MAP4K3: variants seen among roughly 807,000 people sequenced by gnomAD.
The protein encoded by MAP4K3 is MAPK/ERK kinase kinase kinase 3.
MAP4K3 carries 94 observed loss-of-function variants against 143.5 expected under a neutral mutation model. That is an observed-to-expected ratio of 0.65 (90% CI 0.55 to 0.78). The LOEUF (loss-of-function observed/expected upper bound fraction) is 0.78, where lower values mean the gene tolerates loss of function less well. Ranked by LOEUF, MAP4K3 falls within the 30% of genes least tolerant of loss-of-function variation. The pLI is 0.00. For missense variants in MAP4K3, 1,077 were observed against 1,068.1 expected, an observed-to-expected ratio of 1.01 and a Z score of -0.12; for synonymous variants, 416 against 347.2, an observed-to-expected ratio of 1.20 and a Z score of -2.20.
rs201194112 is a variant in MAP4K3 at position 39,336,993 on chromosome 2, A to G, written c.367-26T>C. 5 of 1,210,328 alleles carry G rather than the reference A, an allele frequency of 4.1e-6. No homozygotes were observed. In the South Asian group the frequency reaches 6.8e-5, roughly 17 times the overall value. The allele number at this position is 1,210,328 out of a possible 1,614,324, so 75.0% of individuals were successfully genotyped here. A position where few individuals can be genotyped will look rare whatever the true frequency, so the allele number is the denominator to read the frequency against. ...CTGGAGTTTCAAAAAACAGAAAAATAAACAAGATTTTATCAAAGAGCACTC... is the reference window on the plus strand; with the variant it reads ...CTGGAGTTTCAAAAAACAGAAAAATGAACAAGATTTTATCAAAGAGCACTC... On this transcript the variant is annotated intron_variant, in intron 5 of 33. Coordinates refer to ENST00000263881, the MANE Select transcript of MAP4K3 (RefSeq NM_003618.4).
At chr2:39,406,889 T>C (rs1667111572) in intron 1 of MAP4K3, among the ~76,000 whole-genome samples, 1 of 152,162 alleles carries the variant, frequency 6.6e-6, no homozygotes. Context: ...AAGAAAAGAA[T>C]ACTTCTCAAT....
At chr2:39,321,864 C>T (rs1279375948) in intron 12 of MAP4K3, among the ~76,000 whole-genome samples, 1 of 152,208 alleles carries the variant, frequency 6.6e-6, no homozygotes, top group Non-Finnish European at 1.5e-5. Context: ...GCAAAGACCA[C>T]TGTTCACGTG....
chr2:39,350,993 T>G (rs1324254454), intron 3 of MAP4K3, among the ~76,000 whole-genome samples: 2 of 152,058 alleles, frequency 1.3e-5, no homozygotes, highest in Non-Finnish European at 2.9e-5. Context: ...TAACACAAAT[T>G]AATAAAGTAT....
intron 1 of MAP4K3, among the ~76,000 whole-genome samples, chr2:39,406,219 C>T (rs1269250972): frequency 6.6e-6 from 1 of 151,978 alleles, no homozygotes; most frequent in African/African-American, 2.4e-5. Flanking sequence ...AAAAAACAAG[C>T]ACATCTGCAA....
At chr2:39,391,731 G>A (rs1354434860) in intron 1 of MAP4K3, among the ~76,000 whole-genome samples, 3 of 152,186 alleles carry the variant, frequency 2.0e-5, no homozygotes, top group East Asian at 3.8e-4. Context: ...TTGGGGGAAT[G>A]AAGGCAGAAT....
At chr2:39,305,107 A>G (rs974368786) in intron 15 of MAP4K3, among the ~76,000 whole-genome samples, 3 of 152,200 alleles carry the variant, frequency 2.0e-5, no homozygotes, top group African/African-American at 4.8e-5. Flanking sequence ...TAGTTTGGGA[A>G]GATGAAATCA....
At chr2:39,432,755 T>C (rs1665329685) in intron 1 of MAP4K3, among the ~76,000 whole-genome samples, 1 of 152,206 alleles carries the variant, frequency 6.6e-6, no homozygotes, top group African/African-American at 2.4e-5. Flanking sequence ...GCATATAAAT[T>C]GGTTTCCTTA....
intron 2 of MAP4K3, among the ~76,000 whole-genome samples, chr2:39,368,776 G>C (rs1005021456): frequency 3.3e-5 from 5 of 152,138 alleles, no homozygotes; most frequent in African/African-American, 1.2e-4. Flanking sequence ...CACCAGATCT[G>C]ATTTAAAGAT....
At chr2:39,326,518 C>CCTTG (rs1683494779) in intron 8 of MAP4K3, among the ~76,000 whole-genome samples, 1 of 152,092 alleles carries the variant, frequency 6.6e-6, no homozygotes, top group African/African-American at 2.4e-5. Context: ...ACTTGCCTTG[C>CCTTG]CTTGCCTCAG....
intron 15 of MAP4K3, among the ~76,000 whole-genome samples, chr2:39,300,663 G>C (rs1256907060): frequency 2.0e-5 from 3 of 152,154 alleles, no homozygotes; most frequent in Non-Finnish European, 2.9e-5. Flanking sequence ...CATATTTAAA[G>C]TGCTTTTTAT....
chr2:39,376,095 C>CA (rs1433342227), intron 2 of MAP4K3, among the ~76,000 whole-genome samples: 1 of 152,172 alleles, frequency 6.6e-6, no homozygotes, highest in Non-Finnish European at 1.5e-5. Context: ...GTCATTATGG[C>CA]AAATTTATGT....
chr2:39,369,193 G>GTTTGT (rs1666007574), intron 2 of MAP4K3, among the ~76,000 whole-genome samples: 1 of 37,978 alleles, frequency 2.6e-5, no homozygotes, highest in African/African-American at 5.8e-5. Context: ...CTTTGGGCTA[G>GTTTGT]TTTTTTTTTT....
At chr2:39,391,441 A>T (rs1176942623) in intron 1 of MAP4K3, among the ~76,000 whole-genome samples, 13 of 151,012 alleles carry the variant, frequency 8.6e-5, no homozygotes, top group Admixed American at 8.6e-4. Context: ...GCACACCAGC[A>T]CATTAAAAGA....
chr2:39,339,244 T>C (rs1319072782), intron 4 of MAP4K3, among the ~76,000 whole-genome samples: 2 of 152,202 alleles, frequency 1.3e-5, no homozygotes, highest in East Asian at 1.9e-4. Flanking sequence ...TAAATGTCTA[T>C]GGATAAACCA....
intron 1 of MAP4K3, among the ~76,000 whole-genome samples, chr2:39,409,244 C>T (rs1667173504): frequency 6.6e-6 from 1 of 152,134 alleles, no homozygotes; most frequent in Non-Finnish European, 1.5e-5. Flanking sequence ...ATACACAATA[C>T]ATATAAGAAA....
intron 2 of MAP4K3, among the ~76,000 whole-genome samples, chr2:39,375,594 TGTA>T (rs531527695): frequency 2.8e-3 from 433 of 152,310 alleles, no homozygotes; most frequent in Non-Finnish European, 2.9e-3. Context: ...TGTTAATGGT[TGTA>T]GTTACGTATC....
intron 3 of MAP4K3, among the ~76,000 whole-genome samples, chr2:39,349,391 A>G (rs1665386225): frequency 6.6e-6 from 1 of 152,170 alleles, no homozygotes; most frequent in South Asian, 2.1e-4. Flanking sequence ...GGGGGATACA[A>G]GCTGATCTAT....
intron 1 of MAP4K3, among the ~76,000 whole-genome samples, chr2:39,395,355 ACAC>A (rs1484620186): frequency 3.3e-5 from 5 of 151,004 alleles, no homozygotes; most frequent in African/African-American, 1.2e-4. Flanking sequence ...ACACACACAC[ACAC>A]ATTTTTAAAA....
rs372756825 is a variant in MAP4K3, at chr2:39,327,137, G to A, written c.531-860C>T. The stretch of plus-strand genomic sequence containing the variant: ...ATGCAAAATTCAATAAATAATATTC[G>A]TAATAAGCAACCTATAGCTCTACTT... On this transcript the variant is annotated intron_variant, in intron 8 of 33. Coordinates refer to ENST00000263881, the MANE Select transcript of MAP4K3 (RefSeq NM_003618.4). 2.4e-4 allele frequency among the ~76,000 whole-genome samples: 36 copies of A among 152,108 alleles called. 1 individual carries two copies. Among genetic ancestry groups the A allele is most frequent in the South Asian group, 2.3e-3 (11 of 4,818 alleles).
Sources: gnomAD v4.1 joint callset for allele counts (sites outside exome capture counted in the v4.1 genomes callset) on GRCh38, gnomAD v4.1.1 for gene constraint, MANE v1.5 for transcripts, NCBI Gene and HGNC (gene_info 2026-07-23, HGNC 2026-07-21) for gene names.